The following ADGRL2 variants were observed in gnomAD, a reference collection of about 807,000 sequenced individuals.
The protein encoded by ADGRL2 is calcium-independent alpha-latrotoxin receptor 2.
Under a neutral mutation model 157.4 loss-of-function variants are expected in ADGRL2, and 44 were observed. The ratio of observed to expected loss-of-function variants is 0.28; its 90% confidence interval spans 0.22 to 0.36. ADGRL2 has a LOEUF of 0.36. ADGRL2 is among the 10% of genes least tolerant of loss of function. ADGRL2 has a pLI of 1.00. For missense variants in ADGRL2, 1,510 were observed against 1,768.9 expected, an observed-to-expected ratio of 0.85 and a Z score of 2.63; for synonymous variants, 585 against 624.7, an observed-to-expected ratio of 0.94 and a Z score of 0.95.
At position 81,344,701 on chromosome 1, in the gene ADGRL2, T is replaced by G. The variant is rs1232923575; in HGVS notation, c.-302+38192T>G. 5.4e-5 allele frequency among the ~76,000 whole-genome samples: 8 copies of G among 149,338 alleles called. No homozygotes were observed. In the South Asian group the frequency reaches 6.3e-4, roughly 12 times the overall value. The stretch of plus-strand genomic sequence containing the variant: ...AAAAAAAAAAAAAAAGCAGATTATA[T>G]TTAAAAGTGTGTTTTGTCCAGAACT... On this transcript the variant is annotated intron_variant, in intron 1 of 24. Coordinates refer to the ADGRL2 transcript ENST00000370721.
intron 1 of ADGRL2, among the ~76,000 whole-genome samples, chr1:81,380,880 A>G (rs1034563321): frequency 6.6e-6 from 1 of 152,012 alleles, no homozygotes; most frequent in Non-Finnish European, 1.5e-5. Flanking sequence ...TTTCTCCCAA[A>G]CTCTTATTTT....
At chr1:81,663,759 C>G (rs1262870001) in intron 3 of ADGRL2, among the ~76,000 whole-genome samples, 2 of 152,140 alleles carry the variant, frequency 1.3e-5, no homozygotes, top group Admixed American at 6.5e-5. Flanking sequence ...CAGGCATTTG[C>G]TGGTCATGCT....
intron 2 of ADGRL2, among the ~76,000 whole-genome samples, chr1:81,777,847 C>T (rs2086648250): frequency 6.6e-6 from 1 of 152,136 alleles, no homozygotes; most frequent in Non-Finnish European, 1.5e-5. Context: ...AACCTATGAC[C>T]TATTTTTAAT....
At chr1:81,813,647 T>C (rs2090097027) in intron 1 of ADGRL2, among the ~76,000 whole-genome samples, 1 of 151,796 alleles carries the variant, frequency 6.6e-6, no homozygotes, top group Non-Finnish European at 1.5e-5. Flanking sequence ...TACAAAAGTA[T>C]ACAAATGCTT....
intron 2 of ADGRL2, among the ~76,000 whole-genome samples, chr1:81,784,333 T>C (rs2149391784): frequency 6.6e-6 from 1 of 152,358 alleles, no homozygotes; most frequent in African/African-American, 2.4e-5. Context: ...TTTCAAAAAC[T>C]TTTACAGAGC....
chr1:81,597,945 G>A (rs947754037), intron 3 of ADGRL2, among the ~76,000 whole-genome samples: 5 of 152,158 alleles, frequency 3.3e-5, no homozygotes, highest in Admixed American at 2.0e-4. Context: ...CTATGAAAGC[G>A]GGTACACAAT....
At chr1:81,409,156 C>G (rs893329478) in intron 1 of ADGRL2, among the ~76,000 whole-genome samples, 9 of 152,050 alleles carry the variant, frequency 5.9e-5, no homozygotes, top group African/African-American at 1.9e-4. Context: ...ATTACAAACC[C>G]CTGTTCTTTT....
rs184785035 is a variant in ADGRL2, at chr1:81,652,769, G to A, written c.-143+71789G>A. Among the ~76,000 whole-genome samples the A allele has an allele frequency of 3.2e-3, 483 of 152,222 alleles. 2 individuals carry two copies. The highest frequency in any genetic ancestry group is 0.011 in the African/African-American group (461 of 41,546). On this transcript the variant is annotated intron_variant, in intron 3 of 24. Transcript: ENST00000370721. ...ATTGACATCACAGGGCACCCTACAA[G>A]CTTCCGGATGCCCTCTTCCAATCAA...
At chr1:81,802,541 G>A (rs1308768944) in intron 1 of ADGRL2, among the ~76,000 whole-genome samples, 3 of 152,152 alleles carry the variant, frequency 2.0e-5, no homozygotes, top group African/African-American at 4.8e-5. Flanking sequence ...TGGCAAGGGG[G>A]TTAGGATGAG....
intron 1 of ADGRL2, among the ~76,000 whole-genome samples, chr1:81,369,737 C>T (rs149877187): frequency 2.6e-5 from 4 of 152,130 alleles, no homozygotes; most frequent in East Asian, 3.9e-4. Flanking sequence ...AGAAAAGCCA[C>T]GGCAGAAAAA....
intron 3 of ADGRL2, among the ~76,000 whole-genome samples, chr1:81,672,252 G>C (rs2082890952): frequency 6.6e-6 from 1 of 152,156 alleles, no homozygotes; most frequent in South Asian, 2.1e-4. Flanking sequence ...TGTAGAAAGA[G>C]TTTTTGATTA....
At chr1:81,847,246 G>C (rs1557764703) in intron 2 of ADGRL2, among the ~76,000 whole-genome samples, 1 of 151,902 alleles carries the variant, frequency 6.6e-6, no homozygotes, top group Non-Finnish European at 1.5e-5. Context: ...CCCCTCAAAA[G>C]TTAATGTGCA....
intron 1 of ADGRL2, among the ~76,000 whole-genome samples, chr1:81,403,083 A>G (rs78830280): frequency 0.01 from 1,559 of 152,346 alleles, 20 homozygotes; most frequent in African/African-American, 0.035. Flanking sequence ...AGTTGAGAGA[A>G]GGCCTAACCA....
intron 2 of ADGRL2, among the ~76,000 whole-genome samples, chr1:81,897,440 A>G (rs1180776083): frequency 6.6e-6 from 1 of 152,172 alleles, no homozygotes; most frequent in Non-Finnish European, 1.5e-5. Context: ...TAAGTATTAA[A>G]CATAATATTT....
At chr1:81,423,275 G>A (rs1172651532) in intron 1 of ADGRL2, among the ~76,000 whole-genome samples, 2 of 152,168 alleles carry the variant, frequency 1.3e-5, no homozygotes, top group African/African-American at 4.8e-5. Context: ...GGATTATATA[G>A]GACTGTACTC....
At chr1:81,807,996 A>G (rs2149594645) in intron 1 of ADGRL2, among the ~76,000 whole-genome samples, 1 of 151,886 alleles carries the variant, frequency 6.6e-6, no homozygotes, top group South Asian at 2.1e-4. Flanking sequence ...TATTTGACAA[A>G]TAAACATTAT....
Position 81,966,603 on chromosome 1 carries a change from CATTG to C in ADGRL2, c.2346_2349del (p.Asp783LeufsTer19). The C allele has an allele frequency of 6.2e-7, 1 of 1,613,232 alleles. No individual in the cohort carries two copies. On this transcript the variant is annotated frameshift_variant and splice_region_variant, in exon 13 of 24. Coordinates refer to ENST00000686636, the MANE Select transcript of ADGRL2 (RefSeq NM_001366006.2). LOFTEE classifies it high-confidence loss of function. ...ATCCTGTGCTTTTTACCCTGCCACA[CATTG>C]ATGTAAGTTAATGTATGCTAATGAA...
intron 2 of ADGRL2, among the ~76,000 whole-genome samples, chr1:81,507,762 T>C (rs535079776): frequency 1.3e-5 from 2 of 152,310 alleles, no homozygotes; most frequent in Non-Finnish European, 2.9e-5. Flanking sequence ...ATATCAAAGA[T>C]AGAATAATTC....
intron 2 of ADGRL2, among the ~76,000 whole-genome samples, chr1:81,791,999 G>A (rs546502230): frequency 1.3e-5 from 2 of 152,200 alleles, no homozygotes; most frequent in African/African-American, 2.4e-5. Context: ...CTTATAAATA[G>A]TTTTGTATAT....
Sources: gnomAD v4.1 joint callset for allele counts (sites outside exome capture counted in the v4.1 genomes callset) on GRCh38, gnomAD v4.1.1 for gene constraint, MANE v1.5 for transcripts, NCBI Gene and HGNC (gene_info 2026-07-23, HGNC 2026-07-21) for gene names.